The following LRP12 variants were observed in gnomAD, a reference collection of about 807,000 sequenced individuals.
LRP12 encodes low-density lipoprotein receptor-related protein 12.
A neutral mutation model predicts 66.0 loss-of-function variants in LRP12; 14 were observed. The ratio of observed to expected loss-of-function variants is 0.21; its 90% CI spans 0.14 to 0.33. LRP12 has a LOEUF of 0.33. LRP12 is among the 10% of genes least tolerant of loss of function. The pLI, the probability that LRP12 is intolerant of heterozygous loss-of-function variation, is 1.00. For synonymous variants in LRP12, 357 were observed against 359.1 expected, an observed-to-expected ratio of 0.99 and a Z score of 0.07; for missense variants, 889 against 1,053.4, an observed-to-expected ratio of 0.84 and a Z score of 2.16.
intron 2 of LRP12, among the ~76,000 whole-genome samples, chr8:104,517,864 A>G (rs1564133853): frequency 6.6e-6 from 1 of 152,144 alleles, no homozygotes; most frequent in Non-Finnish European, 1.5e-5. Context: ...TTGGTAAGCA[A>G]ATGGTGTCTG....
intron 5 of LRP12, chr8:104,495,908 A>T (rs1810716414): frequency 6.6e-6 from 1 of 151,538 alleles, no homozygotes; most frequent in South Asian, 2.1e-4. Context: ...TGACAGAGCA[A>T]GACTCCCGTC....
intron 1 of LRP12, among the ~76,000 whole-genome samples, chr8:104,572,057 G>A (rs1042856059): frequency 2.6e-5 from 4 of 152,202 alleles, no homozygotes; most frequent in African/African-American, 7.2e-5. Flanking sequence ...GATAAACTGT[G>A]GTATATCCAT....
chr8:104,518,943 A>G (rs1811110366), intron 2 of LRP12, among the ~76,000 whole-genome samples: 1 of 152,052 alleles, frequency 6.6e-6, no homozygotes, highest in African/African-American at 2.4e-5. Context: ...TTCAGCATAG[A>G]GTCTATGGGC....
At chr8:104,533,082 A>C (rs529022859) in intron 1 of LRP12, among the ~76,000 whole-genome samples, 111 of 152,264 alleles carry the variant, frequency 7.3e-4, no homozygotes, top group African/African-American at 2.5e-3. Flanking sequence ...TATACCCTTC[A>C]AAATGAAAAC....
intron 2 of LRP12, among the ~76,000 whole-genome samples, chr8:104,525,071 A>G (rs2140856698): frequency 6.6e-6 from 1 of 152,220 alleles, no homozygotes; most frequent in Admixed American, 6.5e-5. Context: ...TTTTTTAAAA[A>G]GCGATTAAAA....
chr8:104,560,830 G>A (rs1329773583), intron 1 of LRP12, among the ~76,000 whole-genome samples: 1 of 152,078 alleles, frequency 6.6e-6, no homozygotes, highest in Non-Finnish European at 1.5e-5. Flanking sequence ...GATTTCATTT[G>A]GTTGTTGCGC....
At chr8:104,561,569 A>T (rs749038254) in intron 1 of LRP12, among the ~76,000 whole-genome samples, 9 of 152,250 alleles carry the variant, frequency 5.9e-5, no homozygotes, top group Non-Finnish European at 1.2e-4. Context: ...ATTGCTTGTT[A>T]TCAGAGTATG....
intron 1 of LRP12, among the ~76,000 whole-genome samples, chr8:104,574,396 C>T (rs1234803239): frequency 6.6e-6 from 1 of 152,182 alleles, no homozygotes; most frequent in African/African-American, 2.4e-5. Flanking sequence ...TGCTGCTAAA[C>T]AGAATTATCT....
chr8:104,547,352 T>C (rs1811590468), intron 1 of LRP12, among the ~76,000 whole-genome samples: 1 of 115,632 alleles, frequency 8.6e-6, no homozygotes, highest in Non-Finnish European at 1.7e-5. Flanking sequence ...AATTCTGTTA[T>C]ATTTTGTATA....
intron 1 of LRP12, among the ~76,000 whole-genome samples, chr8:104,547,120 TATC>T (rs1186097777): frequency 1.5e-5 from 2 of 136,812 alleles, no homozygotes; most frequent in Non-Finnish European, 3.0e-5. Flanking sequence ...AATTCTGTTA[TATC>T]ATACTTTGTA....
intron 1 of LRP12, among the ~76,000 whole-genome samples, chr8:104,556,834 C>T (rs1401705809): frequency 1.3e-5 from 2 of 152,100 alleles, no homozygotes; most frequent in African/African-American, 4.8e-5. Flanking sequence ...AGACCAATAT[C>T]CCTGATGACC....
chr8:104,539,173 G>A (rs1460918831), intron 1 of LRP12, among the ~76,000 whole-genome samples: 3 of 152,124 alleles, frequency 2.0e-5, no homozygotes, highest in Non-Finnish European at 4.4e-5. Context: ...TTAATGAGAC[G>A]ACTGTAAACA....
At chr8:104,514,765 G>A (rs1466754250) in intron 2 of LRP12, among the ~76,000 whole-genome samples, 2 of 152,086 alleles carry the variant, frequency 1.3e-5, no homozygotes, top group Non-Finnish European at 1.5e-5. Flanking sequence ...TAAAATACTA[G>A]TACACAGGAT....
chr8:104,546,229 T>C (rs1232807964), intron 1 of LRP12, among the ~76,000 whole-genome samples: 1 of 152,114 alleles, frequency 6.6e-6, no homozygotes, highest in Non-Finnish European at 1.5e-5. Context: ...GGAAAGGCAG[T>C]TATCTTTATA....
intron 1 of LRP12, among the ~76,000 whole-genome samples, chr8:104,572,495 A>G (rs1812097273): frequency 6.6e-6 from 1 of 152,192 alleles, no homozygotes; most frequent in Admixed American, 6.5e-5. Context: ...TAAAACAGAA[A>G]ACAAGGAAAG....
intron 2 of LRP12, 147 bp downstream of exon 2, chr8:104,531,760 G>T: frequency 1.7e-6 from 1 of 571,446 alleles, no homozygotes; most frequent in Non-Finnish European, 3.1e-6. Context: ...ATTTCTCCAT[G>T]TTCCAGTTAC....
chr8:104,528,325 C>A (rs958399727), intron 2 of LRP12, among the ~76,000 whole-genome samples: 1 of 152,290 alleles, frequency 6.6e-6, no homozygotes, highest in Admixed American at 6.5e-5. Context: ...CTGATCTCAA[C>A]AGAAAGCAAG....
chr8:104,542,101 T>G (rs1362014554), intron 1 of LRP12, among the ~76,000 whole-genome samples: 1 of 152,194 alleles, frequency 6.6e-6, no homozygotes, highest in African/African-American at 2.4e-5. Flanking sequence ...CAATACCATT[T>G]TACATTCTGA....
intron 3 of LRP12, chr8:104,507,018 A>G (rs1420522415): frequency 6.6e-6 from 1 of 152,170 alleles, no homozygotes; most frequent in Non-Finnish European, 1.5e-5. Context: ...CTAGATAATC[A>G]TATACTTTTT....
Sources: allele counts gnomAD v4.1 joint callset (sites outside exome capture counted in the v4.1 genomes callset), GRCh38; gene constraint gnomAD v4.1.1; transcripts MANE v1.5; gene names NCBI Gene and HGNC (gene_info 2026-07-23, HGNC 2026-07-21).